Variants in RABL3 observed in about 807,000 individuals in gnomAD.
The protein encoded by RABL3 is RAB, member of RAS oncogene family like 3.
Under a neutral mutation model 31.8 loss-of-function variants are expected in RABL3, and 31 were observed. That is an observed-to-expected ratio of 0.97 (90% confidence interval 0.73 to 1.31). The LOEUF is 1.31. Ranked by LOEUF, RABL3 falls within the 40% of genes most tolerant of loss-of-function variation. The pLI is 0.00. For synonymous variants in RABL3, 97 were observed against 99.9 expected, an observed-to-expected ratio of 0.97 and a Z score of 0.18; for missense variants, 263 against 279.6, an observed-to-expected ratio of 0.94 and a Z score of 0.42.
chr3:120,731,444 A>G (rs1018609817), intron 1 of RABL3, among the ~76,000 whole-genome samples: 3 of 152,226 alleles, frequency 2.0e-5, no homozygotes, highest in African/African-American at 7.2e-5. Context: ...CCTCTTCTAC[A>G]TCATGGCCCT....
At chr3:120,739,317 C>T (rs1709012853) in intron 1 of RABL3, among the ~76,000 whole-genome samples, 2 of 151,576 alleles carry the variant, frequency 1.3e-5, no homozygotes, top group African/African-American at 4.8e-5. Flanking sequence ...GCAGAGGCTG[C>T]AGTGAGCCGA....
intron 5 of RABL3, among the ~76,000 whole-genome samples, chr3:120,697,737 G>A (rs1286569055): frequency 1.3e-5 from 2 of 152,146 alleles, no homozygotes; most frequent in African/African-American, 2.4e-5. Context: ...TCATGTATTT[G>A]TTACGTTGCC....
At chr3:120,731,007 G>A (rs894948940) in intron 1 of RABL3, among the ~76,000 whole-genome samples, 4 of 152,226 alleles carry the variant, frequency 2.6e-5, no homozygotes, top group African/African-American at 7.2e-5. Context: ...TTAAAACATG[G>A]AATGCTGGGC....
chr3:120,722,987 C>CA (rs1275474957), intron 2 of RABL3, among the ~76,000 whole-genome samples: 21 of 152,154 alleles, frequency 1.4e-4, no homozygotes, highest in African/African-American at 4.3e-4. Flanking sequence ...AAAAACTCTT[C>CA]AAAAAATCAA....
chr3:120,737,572 G>A (rs1229962580), intron 1 of RABL3, among the ~76,000 whole-genome samples: 2 of 152,224 alleles, frequency 1.3e-5, no homozygotes, highest in East Asian at 1.9e-4. Context: ...GCGAGGAGCT[G>A]CGTTTCTTTG....
chr3:120,736,907 TG>T (rs1708974095), intron 1 of RABL3, among the ~76,000 whole-genome samples: 2 of 152,248 alleles, frequency 1.3e-5, no homozygotes, highest in African/African-American at 4.8e-5. Flanking sequence ...GATACGCTGA[TG>T]GGCTTCCCTT....
intron 1 of RABL3, among the ~76,000 whole-genome samples, chr3:120,736,098 T>A (rs1387987965): frequency 6.6e-6 from 1 of 152,206 alleles, no homozygotes; most frequent in Non-Finnish European, 1.5e-5. Flanking sequence ...CTGGATATGC[T>A]TGTTAACTTT....
intron 5 of RABL3, 109 bp from the exon 6 acceptor site, chr3:120,694,333 C>T: frequency 1.6e-6 from 1 of 622,740 alleles, no homozygotes; most frequent in Non-Finnish European, 2.9e-6. Flanking sequence ...CTATTAGGCA[C>T]AATACTCTCA....
intron 2 of RABL3, among the ~76,000 whole-genome samples, chr3:120,720,946 T>C (rs1279715766): frequency 1.3e-5 from 2 of 152,174 alleles, no homozygotes; most frequent in Non-Finnish European, 1.5e-5. Flanking sequence ...AAAAGTCAGG[T>C]TACCCACAAA....
At chr3:120,695,544 C>T (rs1203223094) in intron 5 of RABL3, among the ~76,000 whole-genome samples, 1 of 152,122 alleles carries the variant, frequency 6.6e-6, no homozygotes, top group Non-Finnish European at 1.5e-5. Flanking sequence ...ATTAGTCCTC[C>T]TCTCTTCAAT....
intron 1 of RABL3, among the ~76,000 whole-genome samples, chr3:120,734,876 G>C (rs1333526837): frequency 2.0e-5 from 3 of 152,186 alleles, no homozygotes; most frequent in Non-Finnish European, 4.4e-5. Context: ...AACCAGCCTT[G>C]CATCCCAGGG....
intron 1 of RABL3, among the ~76,000 whole-genome samples, chr3:120,741,855 C>T (rs892986917): frequency 6.6e-6 from 1 of 152,132 alleles, no homozygotes; most frequent in African/African-American, 2.4e-5. Flanking sequence ...TAAAACAGGA[C>T]CACTACCCAA....
At chr3:120,736,929 C>T (rs561741717) in intron 1 of RABL3, among the ~76,000 whole-genome samples, 1 of 152,322 alleles carries the variant, frequency 6.6e-6, no homozygotes, top group South Asian at 2.1e-4. Flanking sequence ...TGTGGGTAAC[C>T]TGACTTTTCT....
chr3:120,698,664 C>T (rs1446392007), intron 4 of RABL3, 91 bp from the exon 5 acceptor site: 1 of 1,116,316 alleles, frequency 9.0e-7, no homozygotes, highest in African/African-American at 1.6e-5. Context: ...CACTATTTTA[C>T]TGAAAATTAA....
intron 4 of RABL3, among the ~76,000 whole-genome samples, chr3:120,705,125 T>G (rs1041960516): frequency 6.6e-6 from 1 of 152,182 alleles, no homozygotes; most frequent in Non-Finnish European, 1.5e-5. Flanking sequence ...ATTTGTATGC[T>G]GAAAACTACA....
At chr3:120,731,427 T>C (rs1708880986) in intron 1 of RABL3, among the ~76,000 whole-genome samples, 1 of 152,188 alleles carries the variant, frequency 6.6e-6, no homozygotes, top group South Asian at 2.1e-4. Context: ...GGAAAAAAGG[T>C]CTACTACCTC....
intron 2 of RABL3, among the ~76,000 whole-genome samples, chr3:120,715,420 C>T (rs944708876): frequency 7.9e-5 from 12 of 152,276 alleles, no homozygotes; most frequent in African/African-American, 2.9e-4. Flanking sequence ...CACCTGTAAT[C>T]TCAGCTACTC....
intron 4 of RABL3, among the ~76,000 whole-genome samples, chr3:120,702,851 C>T (rs943921731): frequency 5.3e-5 from 8 of 152,120 alleles, no homozygotes; most frequent in East Asian, 3.9e-4. Context: ...GCCACCGCGC[C>T]GGGCCCAGAA....
At chr3:120,737,114 G>A (rs1051657812) in intron 1 of RABL3, among the ~76,000 whole-genome samples, 1 of 152,214 alleles carries the variant, frequency 6.6e-6, no homozygotes, top group African/African-American at 2.4e-5. Context: ...ATATCCTGCA[G>A]AGTGTTTTCC....
Sources: gnomAD v4.1 joint callset for allele counts (sites outside exome capture counted in the v4.1 genomes callset) on GRCh38, gnomAD v4.1.1 for gene constraint, MANE v1.5 for transcripts, NCBI Gene and HGNC (gene_info 2026-07-23, HGNC 2026-07-21) for gene names.